ABHD5: variants seen among roughly 807,000 people sequenced by gnomAD.
ABHD5 encodes abhydrolase domain containing 5, lysophosphatidic acid acyltransferase.
A neutral mutation model predicts 44.9 loss-of-function variants in ABHD5; 30 were observed. That is an observed-to-expected ratio of 0.67 (90% CI 0.50 to 0.91). ABHD5 has a LOEUF of 0.91. ABHD5 is among the 40% of genes least tolerant of loss of function. ABHD5 has a pLI of 0.00. For synonymous variants in ABHD5, 167 were observed against 147.0 expected (o/e 1.14, Z -0.99); for missense variants, 399 against 423.4 (o/e 0.94, Z 0.50).
chr3:43,732,461 G>A (rs891891649), intron 7 of ABHD5, among the ~76,000 whole-genome samples: 1 of 151,842 alleles, frequency 6.6e-6, no homozygotes, highest in African/African-American at 2.4e-5. Flanking sequence ...AGAATAGAGG[G>A]GAGATGTGTA....
At chr3:43,701,233 A>G (rs2084538877) in intron 2 of ABHD5, among the ~76,000 whole-genome samples, 1 of 152,252 alleles carries the variant, frequency 6.6e-6, no homozygotes, top group African/African-American at 2.4e-5. Flanking sequence ...AAGCCAAAGC[A>G]GCCCCTTTTC....
downstream of ABHD5, among the ~76,000 whole-genome samples, chr3:43,723,731 T>G (rs1300788024): frequency 6.6e-6 from 1 of 152,172 alleles, no homozygotes; most frequent in East Asian, 1.9e-4. Flanking sequence ...TCCAGTTTCT[T>G]CAACAAATTG....
At chr3:43,730,499 CTTTTTTT>C (rs68058215) in intron 7 of ABHD5, among the ~76,000 whole-genome samples, 3 of 68,970 alleles carry the variant, frequency 4.3e-5, no homozygotes, top group Non-Finnish European at 5.4e-5. Context: ...AAAATAATCC[CTTTTTTT>C]TTTTTTTTTT....
rs1006458761 is a variant in ABHD5 at position 43,693,052 on chromosome 3, A to T, written c.47+2013A>T. On this transcript the variant is annotated intron_variant, in intron 1 of 6. Coordinates refer to ENST00000644371, the MANE Select transcript of ABHD5 (RefSeq NM_016006.6). ...TCAACATCCAACCCCTTTCAGTTGC[A>T]ATACAGTTGAGAAAGCTAAATGTAA... Among the ~76,000 whole-genome samples, 3 of 152,212 alleles carry T rather than the reference A, an allele frequency of 2.0e-5. No homozygotes were observed. In the East Asian group the frequency reaches 5.8e-4, roughly 29 times the overall value.
chr3:43,717,510 A>T (rs918832194), intron 5 of ABHD5, among the ~76,000 whole-genome samples, 161 bp from the exon 6 acceptor site: 1 of 152,178 alleles, frequency 6.6e-6, no homozygotes, highest in Non-Finnish European at 1.5e-5. Flanking sequence ...GATCTGTGAG[A>T]TTTGTTCCTT....
At chr3:43,730,732 C>A (rs1320876377) in intron 7 of ABHD5, among the ~76,000 whole-genome samples, 3 of 152,128 alleles carry the variant, frequency 2.0e-5, no homozygotes, top group African/African-American at 7.2e-5. Context: ...GTCTTGAACT[C>A]TTGGGCTCAA....
At chr3:43,692,464 C>CGT (rs773004873) in intron 1 of ABHD5, among the ~76,000 whole-genome samples, 1 of 152,110 alleles carries the variant, frequency 6.6e-6, no homozygotes, top group Non-Finnish European at 1.5e-5. Context: ...GTCCAGGACA[C>CGT]AATCGTGAAA....
At chr3:43,699,143 C>T (rs977891509) in intron 1 of ABHD5, 133 bp from the exon 2 acceptor site, 1 of 780,386 alleles carries the variant, frequency 1.3e-6, no homozygotes, top group Non-Finnish European at 2.3e-6. Flanking sequence ...TGTTAGGTCA[C>T]TTTTGTCACA....
chr3:43,694,533 A>C (rs985621472), intron 1 of ABHD5, among the ~76,000 whole-genome samples: 2 of 152,172 alleles, frequency 1.3e-5, no homozygotes, highest in Admixed American at 1.3e-4. Flanking sequence ...TGACTTGTTA[A>C]GTAGAGTACA....
rs1419573070 is a variant in ABHD5 at position 43,717,667 on chromosome 3, A to G, written c.774-4A>G. The G allele has an allele frequency of 1.2e-6, 2 of 1,614,174 alleles. No homozygotes were observed. The highest frequency in any genetic ancestry group is 1.7e-6 in the Non-Finnish European group (2 of 1,180,000). On this transcript the variant is annotated splice_region_variant and splice_polypyrimidine_tract_variant and intron_variant, in intron 5 of 6. Transcript: ENST00000644371. ...ACATCGTGATTTTCTCCTTGCCGTT[A>G]AAGTGGTGAGACAGCTTTCAAGAAT...
chr3:43,726,476 G>A (rs371328216), downstream of ABHD5, among the ~76,000 whole-genome samples: 35 of 152,300 alleles, frequency 2.3e-4, no homozygotes, highest in East Asian at 3.5e-3. Context: ...CTGGACTCTC[G>A]TGCTGGCCTG....
chr3:43,702,048 G>A, intron 2 of ABHD5, 167 bp from the exon 3 acceptor site: 1 of 639,904 alleles, frequency 1.6e-6, no homozygotes. Flanking sequence ...GGTCATTTAG[G>A]ATTATTTACT....
At chr3:43,729,281 C>T (rs1026319690) in intron 7 of ABHD5, among the ~76,000 whole-genome samples, 7 of 152,122 alleles carry the variant, frequency 4.6e-5, no homozygotes, top group Admixed American at 2.0e-4. Context: ...GACAACATCC[C>T]GCAAACGACA....
downstream of ABHD5, among the ~76,000 whole-genome samples, chr3:43,723,487 G>T (rs2084857406): frequency 6.6e-6 from 1 of 152,192 alleles, no homozygotes; most frequent in Non-Finnish European, 1.5e-5. Context: ...ATCTGAACCT[G>T]ATGTTCAATC....
At chr3:43,691,311 TC>T (rs2084376279) in intron 1 of ABHD5, 1 of 307,126 alleles carries the variant, frequency 3.3e-6, no homozygotes, top group African/African-American at 2.2e-5. Context: ...GCGCGGAGGG[TC>T]CGCCCCGTTG....
chr3:43,702,395 A>C lies in ABHD5; in HGVS notation c.314A>C (p.Tyr105Ser). ...FGDLCTNRPV[Y>S]AFDLLGFGRS... is the part of the protein sequence containing the mutation. The stretch of plus-strand genomic sequence containing the variant: ...GATCTTTGCACCAACAGACCTGTCT[A>C]TGCTTTTGACCTATTGGGTTTTGGA... The change falls in exon 3 of 7, where the codon TAT becomes TCT. Residue 105 changes from tyrosine to serine, a missense_variant. Tyr to Ser is a moderately radical substitution (Grantham distance 144). Coordinates refer to ENST00000644371, the MANE Select transcript of ABHD5 (RefSeq NM_016006.6). 1 of 1,614,204 alleles carries C rather than the reference A, an allele frequency of 6.2e-7. No individual in the cohort carries two copies. The highest frequency in any genetic ancestry group is 8.5e-7 in the Non-Finnish European group (1 of 1,180,042).
intron 2 of ABHD5, 72 bp downstream of exon 2, chr3:43,699,433 A>G (rs2084512861): frequency 7.4e-7 from 1 of 1,358,048 alleles, no homozygotes; most frequent in East Asian, 2.3e-5. Flanking sequence ...TTGCCCTGAA[A>G]CTGGAGGTAA....
Position 43,719,670 on chromosome 3 carries a change from G to A in ABHD5, c.*1138G>A, listed in dbSNP as rs1398747760. 3 of 152,140 alleles carry A rather than the reference G, an allele frequency of 2.0e-5. No homozygotes were observed. Among genetic ancestry groups the A allele is most frequent in the Non-Finnish European group, 2.9e-5 (2 of 68,018 alleles). 9.4% of individuals were successfully genotyped at this position (152,140 alleles called of 1,614,324 possible). ...CTATTTTTTTAGGAACTACCATCAA[G>A]TGTAGCATTTTCTTGCAGTTTTAAA... On this transcript the variant is annotated 3_prime_UTR_variant, in exon 7 of 7. Transcript: ENST00000644371.
Position 43,703,431 on chromosome 3 carries a change from G to A in ABHD5, c.506+844G>A, listed in dbSNP as rs531959171. 1.5e-4 allele frequency among the ~76,000 whole-genome samples: 23 copies of A among 151,998 alleles called. No homozygotes were observed. In the East Asian group the frequency reaches 3.9e-3, roughly 26 times the overall value. On this transcript the variant is annotated intron_variant, in intron 3 of 6. Transcript: ENST00000644371. ...TGACCTCAAGTGATCCACCCCCCTCGGCCTCCCAAAGTGCTGGGATGACAG... is the reference window on the plus strand; with the variant it reads ...TGACCTCAAGTGATCCACCCCCCTCAGCCTCCCAAAGTGCTGGGATGACAG...
Sources: gnomAD v4.1 joint callset for allele counts (sites outside exome capture counted in the v4.1 genomes callset) on GRCh38, gnomAD v4.1.1 for gene constraint, MANE v1.5 for transcripts, NCBI Gene and HGNC (gene_info 2026-07-23, HGNC 2026-07-21) for gene names.